DCHS1: variants seen among roughly 807,000 people sequenced by gnomAD.
DCHS1 encodes dachsous cadherin-related 1, also known as protocadherin-16.
In DCHS1, 78 loss-of-function variants were observed where a neutral mutation model predicts 213.9. That is an observed-to-expected ratio of 0.36 (90% CI 0.30 to 0.44). The LOEUF is 0.44. DCHS1 is among the 20% of genes least tolerant of loss of function. The pLI is 1.00. For missense variants in DCHS1, 3,946 were observed against 4,395.9 expected, an observed-to-expected ratio of 0.90 and a Z score of 2.89; for synonymous variants, 1,828 against 1,873.7, an observed-to-expected ratio of 0.98 and a Z score of 0.63.
In DCHS1 at chr11:6,655,623, C is replaced by T; in HGVS notation, c.-181G>A. The T allele has an allele frequency of 1.0e-6, 1 of 979,880 alleles. No individual in the cohort carries two copies. 60.7% of individuals were successfully genotyped at this position (979,880 alleles called of 1,614,324 possible). A position where few individuals can be genotyped will look rare whatever the true frequency, so the allele number is the denominator to read the frequency against. The stretch of plus-strand genomic sequence containing the variant: ...GGCGCCGTCCGGCCGCGGTCAGCCC[C>T]CCGGGCAGCGCCCGCTCGCGCGGGG... On this transcript the variant is annotated 5_prime_UTR_variant, in exon 1 of 21. Transcript: ENST00000299441.
intron 2 of DCHS1, 58 bp from the exon 3 acceptor site, chr11:6,634,364 A>ACC: frequency 6.6e-7 from 1 of 1,512,130 alleles, no homozygotes; most frequent in Non-Finnish European, 8.9e-7. Flanking sequence ...AGCCAGAGGT[A>ACC]GGTGGCCATT....
chr11:6,624,193 G>A lies in DCHS1; in HGVS notation c.7483C>T (p.Leu2495=). The part of the protein sequence containing the change: ...SHYRVAVTED[L]PPGSTLLTLE... ...GTGAGCAGAGTGGAGCCAGGGGGCAGGTCTTCAGTCACAGCCACACGGTAG... is the reference window on the plus strand; with the variant it reads ...GTGAGCAGAGTGGAGCCAGGGGGCAAGTCTTCAGTCACAGCCACACGGTAG... The change falls in exon 21 of 21, where the codon CTG becomes TTG. Residue 2495 remains leucine (L), a synonymous_variant. Transcript: ENST00000299441. The A allele has an allele frequency of 6.2e-7, 1 of 1,613,328 alleles. No individual in the cohort carries two copies. The highest frequency in any genetic ancestry group is 8.5e-7 in the Non-Finnish European group (1 of 1,179,718).
In DCHS1 at chr11:6,629,854, G is replaced by T; in HGVS notation, c.4853C>A (p.Thr1618Lys). ...GGAGCCGTGGTCTGAGGCCACCACT[G>T]TCAGTACGTGCTCAGCTCGTTGTTC... is the stretch of plus-strand genomic sequence containing the variant. Reference protein sequence around the residue: ...DREQRAEHVLTVVASDHGSPP... With the variant: ...DREQRAEHVLKVVASDHGSPP... Residue 1618 changes from threonine to lysine, a missense_variant, in exon 11 of 21, where the codon ACA becomes AAA. Physicochemically the swap from Thr to Lys is moderately conservative, Grantham distance 78. Around this residue, in one of 3 missense-constraint regions of DCHS1, gnomAD observed 3,384 missense variants for 3,780.1 expected, o/e 0.90. Transcript: ENST00000299441. 1 of 1,613,090 alleles carries T rather than the reference G, an allele frequency of 6.2e-7. No individual in the cohort carries two copies. The highest frequency in any genetic ancestry group is 2.2e-5 in the East Asian group (1 of 44,888).
chr11:6,629,566 G>T lies in DCHS1; in HGVS notation c.5047C>A (p.Gln1683Lys), dbSNP rs565313041. ...ATDPDVGANGQVTYGGVSSES... is the reference protein window; with the variant it reads ...ATDPDVGANGKVTYGGVSSES... ...CTAGAGACGCCTCCATAAGTCACTTGCCCGTTGGCCCCTGAGGAGGGGCAG... is the reference window on the plus strand; with the variant it reads ...CTAGAGACGCCTCCATAAGTCACTTTCCCGTTGGCCCCTGAGGAGGGGCAG... The change falls in exon 12 of 21, where the codon CAA becomes AAA. Residue 1683 changes from glutamine to lysine, a missense_variant. By Grantham distance (53) the Gln-to-Lys change is moderately conservative (BLOSUM62 1). Coordinates refer to ENST00000299441, the MANE Select transcript of DCHS1 (RefSeq NM_003737.4). 1.2e-6 allele frequency: 2 copies of T among 1,613,680 alleles called. No homozygotes were observed. Among genetic ancestry groups the T allele is most frequent in the Non-Finnish European group, 1.7e-6 (2 of 1,179,756 alleles).
intron 1 of DCHS1, among the ~76,000 whole-genome samples, chr11:6,648,921 G>T (rs941832969): frequency 6.6e-6 from 1 of 152,076 alleles, no homozygotes; most frequent in Non-Finnish European, 1.5e-5. Context: ...ATCCTGACTC[G>T]GCCACTTAAG....
At position 6,632,262 on chromosome 11, in the gene DCHS1, G is replaced by C. The variant is rs1202625007; in HGVS notation, c.3250C>G (p.Gln1084Glu). 2 of 1,613,874 alleles carry C rather than the reference G, an allele frequency of 1.2e-6. No individual in the cohort carries two copies. The highest frequency in any genetic ancestry group is 1.7e-6 in the Non-Finnish European group (2 of 1,179,806). The stretch of plus-strand genomic sequence containing the variant: ...CTCACGGTGGCTGTGCCTGTCTGCT[G>C]CCCCAACTCAGCTTTGGACCCAGAC... ...AVSGSKAELG[Q>E]QTGTATVRVS... The change falls in exon 6 of 21, where the codon CAG becomes GAG. Residue 1084 changes from glutamine to glutamate, a missense_variant. By Grantham distance (29) the Gln-to-Glu change is conservative. Around this residue, in one of 3 missense-constraint regions of DCHS1, gnomAD observed 3,384 missense variants for 3,780.1 expected, o/e 0.90. Coordinates refer to ENST00000299441, the MANE Select transcript of DCHS1 (RefSeq NM_003737.4). The surrounding 1 kb of genome is among the most constrained non-coding windows in gnomAD (Gnocchi z 5.9).
In DCHS1 at chr11:6,639,854, A is replaced by G; in HGVS notation, c.1760T>C (p.Leu587Pro). The G allele has an allele frequency of 1.2e-6, 2 of 1,610,392 alleles. No homozygotes were observed. Among genetic ancestry groups the G allele is most frequent in the African/African-American group, 2.7e-5 (2 of 75,030 alleles). ...AGTTCCAGGCTGGGTGCCCTCAGGC[A>G]GTGAGGCATTGTAGAAAGTCCTCTG... ...QFQRTFYNAS[L>P]PEGTQPGTCF... The change falls in exon 2 of 21, where the codon CTG (leucine) becomes CCG (proline). Residue 587 changes from leucine (L) to proline (P), a missense_variant. Leu to Pro is a moderately conservative substitution (Grantham distance 98). This residue lies in a region of DCHS1 where 3,384 missense variants were observed against 3,780.1 expected (regional missense o/e 0.90). Transcript: ENST00000299441.
chr11:6,625,477 C>G lies in DCHS1; in HGVS notation c.6867G>C (p.Ala2289=). Reference sequence around the variant, plus strand: ...CCTGTGCAATCTCTGAGCCCAATAACGCATCTGGAATACATGAGACTAGTG... The same window carrying G: ...CCTGTGCAATCTCTGAGCCCAATAAGGCATCTGGAATACATGAGACTAGTG... ...QPWELRVSED[A]LLGSEIAQVT... is the part of the protein sequence containing the mutation. The change falls in exon 19 of 21, where the codon GCG becomes GCC. Residue 2289 remains alanine, a synonymous_variant. Transcript: ENST00000299441. This position sits in a 1 kb window ranked among gnomAD's most constrained non-coding sequence, Gnocchi z 5.3. The G allele has an allele frequency of 6.2e-7, 1 of 1,603,204 alleles. No individual in the cohort carries two copies. The highest frequency in any genetic ancestry group is 8.5e-7 in the Non-Finnish European group (1 of 1,174,454).
At position 6,639,645 on chromosome 11, in the gene DCHS1, C is replaced by G. The variant is rs369561428; in HGVS notation, c.1797+172G>C. ...CTCTTGCACCCTGCTTTCTCATCTT[C>G]TCATTAACCCTCATCCTCTGCACAG... is the stretch of plus-strand genomic sequence containing the variant. On this transcript the variant is annotated intron_variant, in intron 2 of 20. Transcript: ENST00000299441. Among the ~76,000 whole-genome samples the G allele has an allele frequency of 2.2e-3, 341 of 152,368 alleles. 20 individuals carry two copies. In the South Asian group the frequency reaches 0.069, roughly 31 times the overall value.
intron 4 of DCHS1, 68 bp from the exon 5 acceptor site, chr11:6,633,716 G>C: frequency 6.2e-7 from 1 of 1,601,026 alleles, no homozygotes; most frequent in South Asian, 1.1e-5. Flanking sequence ...TATGGAGGAG[G>C]TGGGTAGGAC....
Position 6,633,935 on chromosome 11 carries a change from G to A in DCHS1, c.2072C>T (p.Ala691Val), listed in dbSNP as rs1232889321. Residue 691 changes from alanine to valine, a missense_variant, in exon 4 of 21, where the codon GCT (alanine) becomes GTT (valine). Ala to Val is a moderately conservative substitution (Grantham distance 64). Around this residue, in one of 3 missense-constraint regions of DCHS1, gnomAD observed 3,384 missense variants for 3,780.1 expected, o/e 0.90. Transcript: ENST00000299441. ...TGGACTCTGGGCACTTATACTGGCAGCATACTCCCGTGGATAAAACTGAGG... is the reference window on the plus strand; with the variant it reads ...TGGACTCTGGGCACTTATACTGGCAACATACTCCCGTGGATAAAACTGAGG... Reference protein sequence around the residue: ...NPPQFYPREYAASISAQSPPG... With the variant: ...NPPQFYPREYVASISAQSPPG... The A allele has an allele frequency of 6.2e-7, 1 of 1,614,042 alleles. No homozygotes were observed. The highest frequency in any genetic ancestry group is 2.2e-5 in the East Asian group (1 of 44,884).
In DCHS1 at chr11:6,639,939, C is replaced by G; in HGVS notation, c.1675G>C (p.Ala559Pro). The G allele has an allele frequency of 6.2e-7, 1 of 1,614,006 alleles. No individual in the cohort carries two copies. Among genetic ancestry groups the G allele is most frequent in the Non-Finnish European group, 8.5e-7 (1 of 1,179,900 alleles). The stretch of plus-strand genomic sequence containing the variant: ...GCCACGCTAACTGTGGCAGAGGAGG[C>G]TAGAGGGGGCAGGCCACCATCTGTG... ...VATDGGLPPL[A>P]SSATVSVALQ... The change falls in exon 2 of 21, where the codon GCC becomes CCC. Residue 559 changes from alanine to proline, a missense_variant. Ala to Pro is a conservative substitution (Grantham distance 27). This residue lies in a region of DCHS1 where 3,384 missense variants were observed against 3,780.1 expected (regional missense o/e 0.90). Transcript: ENST00000299441.
In DCHS1 at chr11:6,622,329, G is replaced by C; in HGVS notation, c.9347C>G (p.Ala3116Gly). 1.2e-6 allele frequency: 2 copies of C among 1,603,986 alleles called. No homozygotes were observed. The highest frequency in any genetic ancestry group is 1.7e-6 in the Non-Finnish European group (2 of 1,175,520). Residue 3116 changes from alanine to glycine, a missense_variant, in exon 21 of 21, where the codon GCC (alanine) becomes GGC (glycine). Transcript: ENST00000299441. This position sits in a 1 kb window ranked among gnomAD's most constrained non-coding sequence, Gnocchi z 5.4. ...GCCACAGCCCCCCAGGAAGGCTGTG[G>C]CAGTGGCTGGGGGCCCCTCCTCTCT... ...LYREEGPPAT[A>G]TAFLGGCGLS...
In DCHS1 at chr11:6,626,826, A is replaced by G; in HGVS notation, c.6213T>C (p.Ala2071=). The G allele has an allele frequency of 6.2e-7, 1 of 1,613,214 alleles. No individual in the cohort carries two copies. Residue 2071 remains alanine, a synonymous_variant, in exon 14 of 21, where the codon GCT becomes GCC. Coordinates refer to ENST00000299441, the MANE Select transcript of DCHS1 (RefSeq NM_003737.4). This position sits in a 1 kb window ranked among gnomAD's most constrained non-coding sequence, Gnocchi z 5.2. ...EAERGPRFPR[A]SSEATIRENA... The stretch of plus-strand genomic sequence containing the variant: ...TCTCACGAATCGTAGCCTCACTGCT[A>G]GCCCGGGGAAAGCGGGGTCCACGCT...
chr11:6,633,166 CA>C, intron 5 of DCHS1, 110 bp from the exon 6 acceptor site: 1 of 1,353,430 alleles, frequency 7.4e-7, no homozygotes. Flanking sequence ...CCATGCCTTT[CA>C]AAATATTAGG....
Position 6,631,682 on chromosome 11 carries a change from G to A in DCHS1, c.3609C>T (p.Asp1203=). 1.9e-6 allele frequency: 3 copies of A among 1,609,724 alleles called. No individual in the cohort carries two copies. Among genetic ancestry groups the A allele is most frequent in the Non-Finnish European group, 1.7e-6 (2 of 1,177,892 alleles). ...TTGTVHVAVL[D]LNDNSPTFLQ... ...GGAACGTGGGGCTGTTGTCGTTGAGGTCAAGCACTGCAACATGCACAGTGC... is the reference window on the plus strand; with the variant it reads ...GGAACGTGGGGCTGTTGTCGTTGAGATCAAGCACTGCAACATGCACAGTGC... Residue 1203 remains aspartate (D), a synonymous_variant, in exon 7 of 21, where the codon GAC becomes GAT. Coordinates refer to ENST00000299441, the MANE Select transcript of DCHS1 (RefSeq NM_003737.4).
At position 6,631,417 on chromosome 11, in the gene DCHS1, C is replaced by T. The variant is rs769146254; in HGVS notation, c.3676-10G>A. On this transcript the variant is annotated splice_polypyrimidine_tract_variant and intron_variant, in intron 7 of 20. Coordinates refer to ENST00000299441, the MANE Select transcript of DCHS1 (RefSeq NM_003737.4). Reference sequence around the variant, plus strand: ...GCACGCGGTCTGGTACCTGTGGGAACACAACTCACCTAGTGAGTCTCTTTC... The same window carrying T: ...GCACGCGGTCTGGTACCTGTGGGAATACAACTCACCTAGTGAGTCTCTTTC... 1 of 1,613,880 alleles carries T rather than the reference C, an allele frequency of 6.2e-7. No individual in the cohort carries two copies. Among genetic ancestry groups the T allele is most frequent in the South Asian group, 1.1e-5 (1 of 91,080 alleles).
In DCHS1 at chr11:6,632,576, G is replaced by A. The variant is rs1374748161; in HGVS notation, c.2936C>T (p.Thr979Ile). The change falls in exon 6 of 21, where the codon ACC (threonine) becomes ATC (isoleucine). Residue 979 changes from threonine (T) to isoleucine (I), a missense_variant. Coordinates refer to ENST00000299441, the MANE Select transcript of DCHS1 (RefSeq NM_003737.4). The surrounding 1 kb of genome is among the most constrained non-coding windows in gnomAD (Gnocchi z 5.9). The part of the protein sequence containing the change: ...EARDGGSPPR[T>I]SHFRLRVVVQ... The stretch of plus-strand genomic sequence containing the variant: ...CACCACCCGTAGTCGAAAGTGGCTG[G>A]TGCGTGGTGGGGAGCCCCCATCCCG... 1.2e-5 allele frequency: 18 copies of A among 1,513,644 alleles called. No homozygotes were observed. The highest frequency in any genetic ancestry group is 1.5e-5 in the Non-Finnish European group (17 of 1,127,866). 93.8% of individuals were successfully genotyped at this position (1,513,644 alleles called of 1,614,324 possible). A position where few individuals can be genotyped will look rare whatever the true frequency, so the allele number is the denominator to read the frequency against.
chr11:6,633,190 G>A (rs1033819274), intron 5 of DCHS1, 134 bp from the exon 6 acceptor site: 160 of 1,213,350 alleles, frequency 1.3e-4, no homozygotes, highest in Admixed American at 2.7e-4. Context: ...GAGGGGCAGG[G>A]GTTGGCAAAG....
Sources: allele counts gnomAD v4.1 joint callset (sites outside exome capture counted in the v4.1 genomes callset), GRCh38; gene constraint gnomAD v4.1.1; regional missense constraint gnomAD v4.1.1; non-coding constraint Gnocchi (gnomAD v3.1); transcripts MANE v1.5; gene names NCBI Gene and HGNC (gene_info 2026-07-23, HGNC 2026-07-21).